The following AMPH variants were observed in gnomAD, a reference collection of about 807,000 sequenced individuals.
AMPH encodes amphiphysin.
A neutral mutation model predicts 99.1 loss-of-function variants in AMPH; 49 were observed. That is an observed-to-expected ratio of 0.49 (90% CI 0.39 to 0.63). The LOEUF (loss-of-function observed/expected upper bound fraction) is 0.63, where lower values mean the gene tolerates loss of function less well. AMPH is among the 20% of genes least tolerant of loss of function. AMPH has a pLI of 0.00. For synonymous variants in AMPH, 314 were observed against 317.3 expected (o/e 0.99, Z 0.11); for missense variants, 759 against 863.4 (o/e 0.88, Z 1.52).
chr7:38,445,327 TAA>T (rs1289881332), intron 11 of AMPH, among the ~76,000 whole-genome samples: 1 of 152,094 alleles, frequency 6.6e-6, no homozygotes, highest in African/African-American at 2.4e-5. Flanking sequence ...TAAAAAATAT[TAA>T]GAGAAAACCT....
At chr7:38,562,643 A>T (rs6462851) in intron 1 of AMPH, among the ~76,000 whole-genome samples, 135,703 of 151,116 alleles carry the variant, frequency 0.9, 60,992 homozygotes, top group East Asian at 0.96. Flanking sequence ...GAATCATGAT[A>T]TGAGCACAAA....
intron 13 of AMPH, among the ~76,000 whole-genome samples, chr7:38,431,514 G>C (rs1201009817): frequency 6.6e-6 from 1 of 152,058 alleles, no homozygotes; most frequent in Non-Finnish European, 1.5e-5. Context: ...AAATTAGTTG[G>C]GCGCGGTGGC....
rs767485784 is a variant in AMPH at position 38,535,008 on chromosome 7, G to A, written c.73C>T (p.Leu25Phe). ...KRLNRAQEKVLQKLGKADETK... is the reference protein window; with the variant it reads ...KRLNRAQEKVFQKLGKADETK... The stretch of plus-strand genomic sequence containing the variant: ...TCATCAGCTTTCCCCAGCTTTTGGA[G>A]GACCTAATTTGCAAATAAAACAAAA... The change falls in exon 2 of 21, where the codon CTC (leucine) becomes TTC (phenylalanine). Residue 25 changes from leucine to phenylalanine, a missense_variant. Leu to Phe is a conservative substitution (Grantham distance 22, BLOSUM62 0). Around this residue, in one of 2 missense-constraint regions of AMPH, gnomAD observed 205 missense variants for 287.9 expected, o/e 0.71. Transcript: ENST00000356264. 20 of 1,613,530 alleles carry A rather than the reference G, an allele frequency of 1.2e-5. No homozygotes were observed. Among genetic ancestry groups the A allele is most frequent in the Admixed American group, 1.7e-5 (1 of 59,978 alleles).
chr7:38,499,997 G>A (rs1406890967), intron 3 of AMPH, among the ~76,000 whole-genome samples: 1 of 152,180 alleles, frequency 6.6e-6, no homozygotes, highest in African/African-American at 2.4e-5. Context: ...GGAACTGTGA[G>A]TCCATTAACC....
At chr7:38,544,788 G>T (rs1790934108) in intron 1 of AMPH, among the ~76,000 whole-genome samples, 1 of 152,196 alleles carries the variant, frequency 6.6e-6, no homozygotes, top group Admixed American at 6.5e-5. Flanking sequence ...CTCCTAGCTT[G>T]ATCTGAAAAG....
At chr7:38,447,142 C>T (rs1786819430) in intron 11 of AMPH, among the ~76,000 whole-genome samples, 1 of 152,140 alleles carries the variant, frequency 6.6e-6, no homozygotes, top group African/African-American at 2.4e-5. Flanking sequence ...GCCTCCGCCT[C>T]TCAAGTAGCT....
Position 38,561,970 on chromosome 7 carries a change from T to G in AMPH, c.70-26959A>C, listed in dbSNP as rs1336831956. 4.6e-5 allele frequency among the ~76,000 whole-genome samples: 7 copies of G among 150,864 alleles called. No individual in the cohort carries two copies. The East Asian group carries it at 1.4e-3, about 30-fold the overall frequency. ...ACTTAAACCACCCAGTCTATATGTT[T>G]TTTTTTTTTTGTTATGGCAGCCGAG... On this transcript the variant is annotated intron_variant, in intron 1 of 20. Coordinates refer to ENST00000356264, the MANE Select transcript of AMPH (RefSeq NM_001635.4).
chr7:38,627,166 T>C (rs1211611744), intron 1 of AMPH, among the ~76,000 whole-genome samples: 2 of 152,058 alleles, frequency 1.3e-5, no homozygotes, highest in Admixed American at 1.3e-4. Context: ...TCTTGGCCCT[T>C]GCTCTCAGAG....
intron 1 of AMPH, among the ~76,000 whole-genome samples, chr7:38,586,907 C>T (rs562429818): frequency 6.6e-6 from 1 of 152,268 alleles, no homozygotes; most frequent in East Asian, 1.9e-4. Flanking sequence ...TCAGCAGAGT[C>T]TAGATTAGAA....
At chr7:38,525,277 T>TATATATATAGAGAG (rs1481528083) in intron 2 of AMPH, among the ~76,000 whole-genome samples, 94 of 86,648 alleles carry the variant, frequency 1.1e-3, no homozygotes, top group African/African-American at 3.1e-3. Context: ...TATATATATA[T>TATATATATAGAGAG]AGAGAGAGAG....
At chr7:38,386,701 T>A (rs958367116) in intron 20 of AMPH, among the ~76,000 whole-genome samples, 4 of 152,090 alleles carry the variant, frequency 2.6e-5, no homozygotes, top group Non-Finnish European at 4.4e-5. Context: ...AACAAACAAC[T>A]CTTGGTTATA....
intron 1 of AMPH, among the ~76,000 whole-genome samples, chr7:38,547,125 C>T (rs1791021651): frequency 6.6e-6 from 1 of 152,096 alleles, no homozygotes; most frequent in South Asian, 2.1e-4. Flanking sequence ...ATTGCATCTC[C>T]TCTCCATATG....
chr7:38,408,708 G>T (rs560206583), intron 17 of AMPH, among the ~76,000 whole-genome samples: 3 of 145,304 alleles, frequency 2.1e-5, no homozygotes, highest in Non-Finnish European at 3.0e-5. Context: ...CCAAGATTGC[G>T]CCACTGCACT....
chr7:38,459,776 AG>A (rs1283315903), intron 11 of AMPH, among the ~76,000 whole-genome samples: 1 of 152,022 alleles, frequency 6.6e-6, no homozygotes, highest in African/African-American at 2.4e-5. Context: ...TCAAGACATC[AG>A]TTTAAGGAAA....
At position 38,406,728 on chromosome 7, in the gene AMPH, TTCCCTCTCTCTCTC is replaced by T. The variant is rs1414246935; in HGVS notation, c.1398+11083_1398+11096del. Reference sequence around the variant, plus strand: ...TCTCTCCTCTCCTCTCTCTCTCCCTTTCCCTCTCTCTCTCTCTCTCTCTCTCTCTCTCTCTCTCT... The same window carrying T: ...TCTCTCCTCTCCTCTCTCTCTCCCTTTCTCTCTCTCTCTCTCTCTCTCTCT... On this transcript the variant is annotated intron_variant, in intron 17 of 20. Transcript: ENST00000356264. 3.3e-4 allele frequency among the ~76,000 whole-genome samples: 18 copies of T among 53,984 alleles called. 1 individual carries two copies. Among genetic ancestry groups the T allele is most frequent in the South Asian group, 1.3e-3 (2 of 1,586 alleles). 35.4% of individuals were successfully genotyped at this position (53,984 alleles called of 152,430 possible).
intron 3 of AMPH, among the ~76,000 whole-genome samples, chr7:38,500,058 C>T (rs776140150): frequency 1.3e-5 from 2 of 152,144 alleles, no homozygotes; most frequent in African/African-American, 2.4e-5. Flanking sequence ...TTATTAGCAG[C>T]GTGAGAACGG....
chr7:38,610,641 T>A (rs576129313), intron 1 of AMPH, among the ~76,000 whole-genome samples: 1 of 152,234 alleles, frequency 6.6e-6, no homozygotes, highest in Non-Finnish European at 1.5e-5. Flanking sequence ...TTAAGTGTTT[T>A]ACAAATGTTA....
rs1023760466 is a variant in AMPH, at chr7:38,598,056, G to T, written c.69+33227C>A. ...TCATTTTTTCTTCAAATGATGAGTT[G>T]TTGGCCCAAATAGATTTATTGAATG... On this transcript the variant is annotated intron_variant, in intron 1 of 20. Transcript: ENST00000356264. Among the ~76,000 whole-genome samples, 8 of 152,248 alleles carry T rather than the reference G, an allele frequency of 5.3e-5. No individual in the cohort carries two copies. In the East Asian group the frequency reaches 1.5e-3, roughly 29 times the overall value.
intron 17 of AMPH, among the ~76,000 whole-genome samples, chr7:38,405,483 G>C (rs1256070048): frequency 6.6e-6 from 1 of 151,904 alleles, no homozygotes. Context: ...ACACCCACAG[G>C]CTCCAAGTAA....
Sources: allele counts gnomAD v4.1 joint callset (sites outside exome capture counted in the v4.1 genomes callset), GRCh38; gene constraint gnomAD v4.1.1; regional missense constraint gnomAD v4.1.1; transcripts MANE v1.5; gene names NCBI Gene and HGNC (gene_info 2026-07-23, HGNC 2026-07-21).